CCDC150: variants seen among roughly 807,000 people sequenced by gnomAD.
CCDC150 encodes coiled-coil domain containing 150.
Under a neutral mutation model 156.5 loss-of-function variants are expected in CCDC150, and 151 were observed. That is an observed-to-expected ratio of 0.97 (90% CI 0.85 to 1.10). The LOEUF (loss-of-function observed/expected upper bound fraction) is 1.10. CCDC150 is among the 50% of genes least tolerant of loss of function. CCDC150 has a pLI of 0.00. For synonymous variants in CCDC150, 452 were observed against 429.4 expected (o/e 1.05, Z -0.65); for missense variants, 1,312 against 1,268.1 (o/e 1.03, Z -0.53).
At chr2:196,729,605 G>T in intron 23 of CCDC150, 188 bp from the exon 24 acceptor site, 2 of 655,640 alleles carry the variant, frequency 3.1e-6, no homozygotes, top group South Asian at 2.0e-5. Context: ...CTCCCTATCT[G>T]TCCCTTCCGT....
In CCDC150 at chr2:196,677,339, A is replaced by G; in HGVS notation, c.1487A>G (p.Glu496Gly). The change falls in exon 13 of 28, where the codon GAA (glutamate) becomes GGA (glycine). Residue 496 changes from glutamate to glycine, a missense_variant. By Grantham distance (98) the Glu-to-Gly change is moderately conservative. Transcript: ENST00000389175. ...ATAGTGCAAGAAAGATGCAATTTGG[A>G]AAAGGAATTAGCTAAAAACAAGGTA... ...KEIVQERCNLEKELAKNKVDI... is the reference protein window; with the variant it reads ...KEIVQERCNLGKELAKNKVDI... 6.4e-7 allele frequency: 1 copy of G among 1,562,796 alleles called. No homozygotes were observed. Among genetic ancestry groups the G allele is most frequent in the Non-Finnish European group, 8.7e-7 (1 of 1,150,708 alleles).
At chr2:196,681,838 GT>G (rs978786209) in intron 13 of CCDC150, among the ~76,000 whole-genome samples, 2 of 151,956 alleles carry the variant, frequency 1.3e-5, no homozygotes, top group East Asian at 1.9e-4. Flanking sequence ...ACTTGTATGA[GT>G]TTTTTACATA....
intron 20 of CCDC150, among the ~76,000 whole-genome samples, chr2:196,721,219 A>T (rs1262791736): frequency 1.3e-5 from 2 of 150,368 alleles, no homozygotes; most frequent in Non-Finnish European, 3.0e-5. Context: ...TTTAAAATTT[A>T]AAAAATTAGG....
intron 17 of CCDC150, among the ~76,000 whole-genome samples, chr2:196,716,106 G>A (rs1003429169): frequency 2.6e-5 from 4 of 152,210 alleles, no homozygotes; most frequent in African/African-American, 7.2e-5. Flanking sequence ...TTGAAAAGGG[G>A]TTAAGCATCA....
chr2:196,694,353 G>A (rs1695679756), intron 13 of CCDC150, among the ~76,000 whole-genome samples: 1 of 152,096 alleles, frequency 6.6e-6, no homozygotes, highest in Admixed American at 6.5e-5. Flanking sequence ...ACCGCTCCTG[G>A]CTGGAAGATT....
In CCDC150 at chr2:196,721,465, T is replaced by A. The variant is rs1697905497; in HGVS notation, c.2260-57T>A. On this transcript the variant is annotated intron_variant, in intron 20 of 27. Transcript: ENST00000389175. Reference sequence around the variant, plus strand: ...TGTGAGGAGTGATTACACAGTGTTATGGACTTCTTGCATCTGTCCATTACA... The same window carrying A: ...TGTGAGGAGTGATTACACAGTGTTAAGGACTTCTTGCATCTGTCCATTACA... 2.6e-5 allele frequency: 36 copies of A among 1,377,956 alleles called. No homozygotes were observed. The South Asian group carries it at 5.1e-4, about 20-fold the overall frequency. The allele number at this position is 1,377,956 out of a possible 1,614,324, so 85.4% of individuals were successfully genotyped here.
At chr2:196,656,496 A>T (rs1235892269) in intron 2 of CCDC150, 137 bp from the exon 3 acceptor site, 3 of 633,294 alleles carry the variant, frequency 4.7e-6, no homozygotes, top group Non-Finnish European at 8.4e-6. Context: ...GTGGAGGGAG[A>T]GTCAGAAGCC....
chr2:196,661,914 G>A (rs1459819200), intron 5 of CCDC150, among the ~76,000 whole-genome samples: 11 of 152,218 alleles, frequency 7.2e-5, no homozygotes, highest in African/African-American at 2.4e-4. Context: ...CATAATGGGG[G>A]TGATTAAAAC....
intron 15 of CCDC150, among the ~76,000 whole-genome samples, chr2:196,705,692 A>G (rs976417729): frequency 6.6e-6 from 1 of 152,144 alleles, no homozygotes; most frequent in South Asian, 2.1e-4. Flanking sequence ...TAGGTCTAAC[A>G]TTTAAGTCTT....
intron 17 of CCDC150, among the ~76,000 whole-genome samples, chr2:196,714,179 G>GA (rs1697331754): frequency 1.3e-5 from 2 of 152,128 alleles, no homozygotes; most frequent in Non-Finnish European, 2.9e-5. Flanking sequence ...TTGGTGTTTT[G>GA]AACAAAGAAT....
At chr2:196,706,218 C>T (rs1482754695) in intron 15 of CCDC150, among the ~76,000 whole-genome samples, 1 of 152,148 alleles carries the variant, frequency 6.6e-6, no homozygotes, top group East Asian at 1.9e-4. Context: ...TGTAGTTCTC[C>T]TTGAAGAGGT....
At chr2:196,671,371 T>C (rs1466590365) in intron 8 of CCDC150, among the ~76,000 whole-genome samples, 1 of 152,074 alleles carries the variant, frequency 6.6e-6, no homozygotes, top group Non-Finnish European at 1.5e-5. Context: ...TAAGTATTTA[T>C]GTTTCCTCCA....
chr2:196,719,776 A>T, intron 19 of CCDC150, 110 bp downstream of exon 19: 3 of 667,912 alleles, frequency 4.5e-6, no homozygotes, highest in Non-Finnish European at 6.7e-6. Flanking sequence ...AAAAAAAAAA[A>T]TTGCAAAATG....
At chr2:196,710,415 C>T (rs1697024099) in intron 15 of CCDC150, among the ~76,000 whole-genome samples, 1 of 152,206 alleles carries the variant, frequency 6.6e-6, no homozygotes, top group African/African-American at 2.4e-5. Context: ...TACGGCTTCC[C>T]TTGGCTAGGA....
chr2:196,653,715 C>G lies in CCDC150; in HGVS notation c.177-2918C>G, dbSNP rs140901042. Among the ~76,000 whole-genome samples the G allele has an allele frequency of 2.2e-3, 329 of 152,300 alleles. 2 individuals carry two copies. Among genetic ancestry groups the G allele is most frequent in the African/African-American group, 7.3e-3 (303 of 41,564 alleles). On this transcript the variant is annotated intron_variant, in intron 2 of 27. Transcript: ENST00000389175. The stretch of plus-strand genomic sequence containing the variant: ...CCCTCCAAACTCTTCCAATCTCTGC[C>G]CATTACCCAGTTCCAAAGCTGCTTT...
At chr2:196,694,118 G>A (rs569531447) in intron 13 of CCDC150, among the ~76,000 whole-genome samples, 38 of 142,124 alleles carry the variant, frequency 2.7e-4, no homozygotes, top group African/African-American at 7.7e-4. Flanking sequence ...GTGCAATGGC[G>A]TGATCTCAGC....
At chr2:196,722,856 T>C (rs1428946915) in intron 21 of CCDC150, among the ~76,000 whole-genome samples, 1 of 152,122 alleles carries the variant, frequency 6.6e-6, no homozygotes, top group Non-Finnish European at 1.5e-5. Flanking sequence ...CTGCCACTAC[T>C]GCTTAAAACA....
intron 1 of CCDC150, among the ~76,000 whole-genome samples, chr2:196,642,155 G>A (rs78807155): frequency 0.013 from 2,001 of 152,234 alleles, 52 homozygotes; most frequent in African/African-American, 0.045. Flanking sequence ...ACTATCAAGC[G>A]TTAGGACTTA....
intron 4 of CCDC150, chr2:196,657,519 A>G (rs114645393): frequency 0.015 from 2,745 of 183,724 alleles, 28 homozygotes; most frequent in Non-Finnish European, 0.021. Flanking sequence ...CAAAAAGTGA[A>G]TATTGCCGAG....
Sources: gnomAD v4.1 joint callset for allele counts (sites outside exome capture counted in the v4.1 genomes callset) on GRCh38, gnomAD v4.1.1 for gene constraint, MANE v1.5 for transcripts, NCBI Gene and HGNC (gene_info 2026-07-23, HGNC 2026-07-21) for gene names.